DCTN4: variants seen among roughly 807,000 people sequenced by gnomAD.
DCTN4 encodes the protein dynactin 4 (p62).
DCTN4 carries 23 observed loss-of-function variants against 62.7 expected under a neutral mutation model. The observed-to-expected ratio is 0.37, with a 90% CI of 0.26 to 0.52. The LOEUF (loss-of-function observed/expected upper bound fraction) is 0.52, where lower values mean the gene tolerates loss of function less well. Ranked by LOEUF, DCTN4 falls within the 20% of genes least tolerant of loss-of-function variation. The pLI is 0.92. For synonymous variants in DCTN4, 199 were observed against 202.1 expected (o/e 0.98, Z 0.13); for missense variants, 514 against 580.4 (o/e 0.89, Z 1.18).
chr5:150,733,293 A>C (rs1329063391), intron 5 of DCTN4, 75 bp downstream of exon 5: 4 of 1,034,120 alleles, frequency 3.9e-6, no homozygotes, highest in Non-Finnish European at 5.8e-6. Flanking sequence ...ATCTAGGACA[A>C]TGGCCATTTT....
At chr5:150,751,838 T>C (rs1398229704) in intron 3 of DCTN4, among the ~76,000 whole-genome samples, 1 of 152,166 alleles carries the variant, frequency 6.6e-6, no homozygotes, top group Non-Finnish European at 1.5e-5. Flanking sequence ...AAAGAGCAAA[T>C]TCAATAGAAT....
chr5:150,711,451 T>C, intron 12 of DCTN4, 89 bp from the exon 13 acceptor site: 6 of 1,022,924 alleles, frequency 5.9e-6, no homozygotes, highest in Non-Finnish European at 7.3e-6. Context: ...CACCTTATTC[T>C]TTCCTTCAGC....
chr5:150,725,247 T>C (rs1404415929), intron 8 of DCTN4, among the ~76,000 whole-genome samples: 1 of 151,804 alleles, frequency 6.6e-6, no homozygotes, highest in Non-Finnish European at 1.5e-5. Flanking sequence ...CTATAATCTC[T>C]GCATATTTTG....
chr5:150,723,561 T>C (rs1049258197), intron 8 of DCTN4, among the ~76,000 whole-genome samples: 2 of 152,228 alleles, frequency 1.3e-5, no homozygotes, highest in Non-Finnish European at 2.9e-5. Context: ...CTCCAACTCC[T>C]GGGCTCAAGT....
At chr5:150,743,464 A>G (rs1451938821) in intron 3 of DCTN4, among the ~76,000 whole-genome samples, 1 of 152,220 alleles carries the variant, frequency 6.6e-6, no homozygotes, top group Non-Finnish European at 1.5e-5. Flanking sequence ...CCCAGCACGC[A>G]GCTGGAGATC....
At chr5:150,733,708 A>T (rs1760471585) in intron 4 of DCTN4, 1 of 401,570 alleles carries the variant, frequency 2.5e-6, no homozygotes, top group Non-Finnish European at 4.5e-6. Context: ...AGGCTTGGAA[A>T]TTTTTTGCTC....
chr5:150,715,733 G>A, intron 11 of DCTN4, 71 bp from the exon 12 acceptor site: 1 of 1,231,690 alleles, frequency 8.1e-7, no homozygotes, highest in Non-Finnish European at 1.2e-6. Flanking sequence ...GTACGACATT[G>A]ATTTAGACAA....
At chr5:150,736,599 G>A (rs933875402) in intron 4 of DCTN4, among the ~76,000 whole-genome samples, 3 of 152,114 alleles carry the variant, frequency 2.0e-5, no homozygotes, top group African/African-American at 7.2e-5. Context: ...TACAAGAGGT[G>A]CTCAAAGGAG....
In DCTN4 at chr5:150,719,406, C is replaced by G. The variant is rs78628487; in HGVS notation, c.963+310G>C. The stretch of plus-strand genomic sequence containing the variant: ...ACCTGAAACATAACAAACAGGAGAT[C>G]GAAGAGAATCTCTAGGCTGGAGAAG... On this transcript the variant is annotated intron_variant, in intron 10 of 12. Coordinates refer to ENST00000447998, the MANE Select transcript of DCTN4 (RefSeq NM_016221.4). Among the ~76,000 whole-genome samples the G allele has an allele frequency of 5.4e-3, 823 of 152,212 alleles. 7 individuals carry two copies. The highest frequency in any genetic ancestry group is 0.019 in the African/African-American group (790 of 41,532).
At chr5:150,719,818 AATT>A (rs762959393) in intron 9 of DCTN4, 48 bp from the exon 10 acceptor site, 48 of 1,228,534 alleles carry the variant, frequency 3.9e-5, no homozygotes, top group South Asian at 6.5e-5. Flanking sequence ...AGTCTCTTAA[AATT>A]ATTATTATTT....
chr5:150,744,887 G>A lies in DCTN4; in HGVS notation c.386-2730C>T, dbSNP rs542603988. Among the ~76,000 whole-genome samples, 677 of 151,116 alleles carry A rather than the reference G, an allele frequency of 4.5e-3. 4 individuals are homozygous for A. Among genetic ancestry groups the A allele is most frequent in the African/African-American group, 0.016 (643 of 40,938 alleles). ...CTAGGAAGAAACTGCATCAACTAAC[G>A]AGCAAAATAACCAGCTAACATCATC... On this transcript the variant is annotated intron_variant, in intron 3 of 12. Transcript: ENST00000447998.
Position 150,731,941 on chromosome 5 carries a change from G to A in DCTN4, c.538-452C>T, listed in dbSNP as rs142831418. ...CCCAAAATAGCAGCAGGTTGCAACA[G>A]AGACAAAAAATGCAGCATAAGATAG... On this transcript the variant is annotated intron_variant, in intron 5 of 12. Coordinates refer to ENST00000447998, the MANE Select transcript of DCTN4 (RefSeq NM_016221.4). 1,348 of 1,549,908 alleles carry A rather than the reference G, an allele frequency of 8.7e-4. 1 individual carries two copies. The highest frequency in any genetic ancestry group is 1.1e-3 in the Non-Finnish European group (1,245 of 1,145,368).
At chr5:150,739,326 C>T (rs982770373) in intron 4 of DCTN4, among the ~76,000 whole-genome samples, 1 of 151,946 alleles carries the variant, frequency 6.6e-6, no homozygotes, top group Non-Finnish European at 1.5e-5. Context: ...GCCGCAAAAA[C>T]CCCACCCAAA....
At chr5:150,746,175 T>A (rs1173021380) in intron 3 of DCTN4, among the ~76,000 whole-genome samples, 1 of 151,880 alleles carries the variant, frequency 6.6e-6, no homozygotes, top group African/African-American at 2.4e-5. Context: ...TCTATGCAAA[T>A]AAACTAGAAA....
At chr5:150,757,038 A>C (rs1752889860) in intron 1 of DCTN4, among the ~76,000 whole-genome samples, 1 of 152,250 alleles carries the variant, frequency 6.6e-6, no homozygotes, top group Admixed American at 6.5e-5. Context: ...TGTACTTAAA[A>C]AACTGGAGTC....
chr5:150,729,463 C>CCATTCCT (rs1262136658), intron 8 of DCTN4, among the ~76,000 whole-genome samples: 1 of 151,968 alleles, frequency 6.6e-6, no homozygotes, highest in African/African-American at 2.4e-5. Flanking sequence ...ATACTCTTAC[C>CCATTCCT]CATTCCTCAT....
In DCTN4 at chr5:150,733,421, G is replaced by A. The variant is rs139024118; in HGVS notation, c.484C>T (p.Arg162Ter). 7 of 1,613,956 alleles carry A rather than the reference G, an allele frequency of 4.3e-6. No homozygotes were observed. Among genetic ancestry groups the A allele is most frequent in the South Asian group, 1.1e-5 (1 of 91,060 alleles). The change falls in exon 5 of 13, where the codon CGA becomes TGA. Residue 162 changes from arginine (R) to a stop codon, truncating the protein, a stop_gained. Coordinates refer to ENST00000447998, the MANE Select transcript of DCTN4 (RefSeq NM_016221.4). LOFTEE classifies it high-confidence loss of function. Reference sequence around the variant, plus strand: ...CGTCGTGCCAGTTTCTTGCGATCTCGCTCAACCTTCTCTTTCTGAGCAAGC... The same window carrying A: ...CGTCGTGCCAGTTTCTTGCGATCTCACTCAACCTTCTCTTTCTGAGCAAGC... ...QQLAQKEKVERDRKKLARRRN... is the reference protein window; with the variant it reads ...QQLAQKEKVE
chr5:150,716,776 G>A (rs924900698), intron 11 of DCTN4, among the ~76,000 whole-genome samples: 6 of 152,000 alleles, frequency 3.9e-5, no homozygotes, highest in African/African-American at 1.5e-4. Context: ...AAAATTAGCC[G>A]GGCGTGGTGG....
chr5:150,729,444 G>C (rs1441083894), intron 8 of DCTN4, among the ~76,000 whole-genome samples: 1 of 151,728 alleles, frequency 6.6e-6, no homozygotes, highest in African/African-American at 2.4e-5. Flanking sequence ...GGCCAATCTT[G>C]TTTCATTTAT....
Sources: allele counts gnomAD v4.1 joint callset (sites outside exome capture counted in the v4.1 genomes callset), GRCh38; gene constraint gnomAD v4.1.1; transcripts MANE v1.5; gene names NCBI Gene and HGNC (gene_info 2026-07-23, HGNC 2026-07-21).